Variants in TIAM1 observed in about 807,000 individuals in gnomAD.
TIAM1 encodes rho guanine nucleotide exchange factor TIAM1.
In TIAM1, 65 loss-of-function variants were observed where a neutral mutation model predicts 163.5. The observed-to-expected ratio is 0.40, with a 90% CI of 0.33 to 0.49. The LOEUF (loss-of-function observed/expected upper bound fraction) is 0.49. TIAM1 is among the 20% of genes least tolerant of loss of function. TIAM1 has a pLI of 0.77. For missense variants in TIAM1, 1,789 were observed against 2,044.7 expected (o/e 0.87, Z 2.41); for synonymous variants, 833 against 810.1 (o/e 1.03, Z -0.48).
chr21:31,464,724 T>A (rs1053067999), intron 1 of TIAM1, among the ~76,000 whole-genome samples: 24 of 151,204 alleles, frequency 1.6e-4, no homozygotes, highest in Admixed American at 9.3e-4. Context: ...GCACCTGTAA[T>A]CCCAACTACT....
intron 10 of TIAM1, chr21:31,213,008 G>T: frequency 5.7e-6 from 1 of 174,578 alleles, no homozygotes. Context: ...AAACTAATGG[G>T]AGCAAAACAG....
At chr21:31,184,881 C>G (rs1210959916) in intron 14 of TIAM1, among the ~76,000 whole-genome samples, 2 of 152,162 alleles carry the variant, frequency 1.3e-5, no homozygotes, top group Non-Finnish European at 2.9e-5. Flanking sequence ...CTCGTCACAC[C>G]TTTGCCTTTC....
chr21:31,519,037 G>A (rs1012486512), intron 1 of TIAM1, among the ~76,000 whole-genome samples: 10 of 152,010 alleles, frequency 6.6e-5, no homozygotes, highest in Admixed American at 2.6e-4. Flanking sequence ...TTGGCCGGGC[G>A]CAGTGGCTCA....
chr21:31,333,282 CA>C (rs2075735476), intron 2 of TIAM1, among the ~76,000 whole-genome samples: 1 of 152,092 alleles, frequency 6.6e-6, no homozygotes, highest in Admixed American at 6.5e-5. Flanking sequence ...CCGTTTTTTT[CA>C]GCAGTAAAAC....
At chr21:31,453,117 A>T (rs2044934841) in intron 2 of TIAM1, 1 of 324,852 alleles carries the variant, frequency 3.1e-6, no homozygotes, top group South Asian at 3.3e-5. Flanking sequence ...CGAGACAGTG[A>T]TGAGGATTCT....
chr21:31,123,841 G>A (rs960976564), intron 27 of TIAM1: 2 of 152,212 alleles, frequency 1.3e-5, no homozygotes, highest in Admixed American at 6.5e-5. Flanking sequence ...ACAGGTGGCA[G>A]TATTTATTTT....
intron 2 of TIAM1, among the ~76,000 whole-genome samples, chr21:31,368,213 C>T (rs2076532147): frequency 6.6e-6 from 1 of 152,184 alleles, no homozygotes; most frequent in Non-Finnish European, 1.5e-5. Flanking sequence ...CTATTTAAGA[C>T]ATATTAACAA....
At chr21:31,276,373 C>A (rs959127273) in intron 3 of TIAM1, among the ~76,000 whole-genome samples, 13 of 152,116 alleles carry the variant, frequency 8.5e-5, no homozygotes, top group African/African-American at 3.1e-4. Flanking sequence ...TTATCCAAAG[C>A]AGAAACAAAA....
chr21:31,476,817 C>CA (rs1225805797), intron 1 of TIAM1, among the ~76,000 whole-genome samples: 1 of 152,182 alleles, frequency 6.6e-6, no homozygotes, highest in African/African-American at 2.4e-5. Context: ...GTGGTCAGAG[C>CA]AGAAATGTTG....
chr21:31,203,891 A>C (rs1286680704), intron 11 of TIAM1, among the ~76,000 whole-genome samples: 1 of 152,224 alleles, frequency 6.6e-6, no homozygotes, highest in Non-Finnish European at 1.5e-5. Context: ...CTCCAGGGGC[A>C]GTGCTAATAG....
At chr21:31,278,835 C>T (rs542475649) in intron 2 of TIAM1, among the ~76,000 whole-genome samples, 3 of 152,276 alleles carry the variant, frequency 2.0e-5, no homozygotes, top group Non-Finnish European at 4.4e-5. Flanking sequence ...CCTCCTTAAA[C>T]GGCTCTCTGC....
At chr21:31,222,452 T>G in intron 8 of TIAM1, among the ~76,000 whole-genome samples, 1 of 151,972 alleles carries the variant, frequency 6.6e-6, no homozygotes, top group East Asian at 1.9e-4. Context: ...CTATACAATC[T>G]GCCGCTCTAG....
At chr21:31,448,399 G>C (rs926051523) in intron 2 of TIAM1, among the ~76,000 whole-genome samples, 1 of 152,128 alleles carries the variant, frequency 6.6e-6, no homozygotes, top group Non-Finnish European at 1.5e-5. Flanking sequence ...GAGGCCAGGA[G>C]TTCGAGACCA....
chr21:31,327,116 G>A (rs532993299), intron 2 of TIAM1, among the ~76,000 whole-genome samples: 2 of 152,324 alleles, frequency 1.3e-5, no homozygotes, highest in East Asian at 3.9e-4. Flanking sequence ...AAAAAGGGAA[G>A]TGATCAATGG....
intron 14 of TIAM1, among the ~76,000 whole-genome samples, chr21:31,185,298 C>T (rs2085228048): frequency 6.6e-6 from 1 of 150,886 alleles, no homozygotes; most frequent in Non-Finnish European, 1.5e-5. Flanking sequence ...AGAATGCAAC[C>T]TTCTTTGGAA....
chr21:31,481,868 C>T (rs1425557815), intron 1 of TIAM1, among the ~76,000 whole-genome samples: 2 of 151,990 alleles, frequency 1.3e-5, no homozygotes, highest in Admixed American at 6.6e-5. Flanking sequence ...TTCAATCTCT[C>T]GCCCCTCTCT....
intron 7 of TIAM1, among the ~76,000 whole-genome samples, chr21:31,225,238 G>A (rs781294101): frequency 1.3e-4 from 19 of 151,992 alleles, no homozygotes; most frequent in African/African-American, 4.6e-4. Context: ...GGGCTCAAGC[G>A]AGTATGCCCA....
rs760187500 is a variant in TIAM1, at chr21:31,120,504, G to T, written c.4640C>A (p.Ala1547Glu). 1 of 1,614,182 alleles carries T rather than the reference G, an allele frequency of 6.2e-7. No individual in the cohort carries two copies. The highest frequency in any genetic ancestry group is 8.5e-7 in the Non-Finnish European group (1 of 1,180,032). The change falls in exon 28 of 28, where the codon GCG becomes GAG. Residue 1547 changes from alanine (A) to glutamate (E), a missense_variant. Ala to Glu is a moderately radical substitution (Grantham distance 107). Around this residue, in one of 5 missense-constraint regions of TIAM1, gnomAD observed 415 missense variants for 439.2 expected, o/e 0.94. Transcript: ENST00000541036. The surrounding 1 kb of genome is among the most constrained non-coding windows in gnomAD (Gnocchi z 4.2). ...CTTCTTGAGCTGTGCCATGCGGGAC[G>T]CGTGACTATCCAGGGTTTTCCGGCC... ...ERGRKTLDSH[A>E]SRMAQLKKQA...
chr21:31,419,028 C>T (rs533869505), intron 2 of TIAM1, among the ~76,000 whole-genome samples: 8 of 152,226 alleles, frequency 5.3e-5, no homozygotes, highest in African/African-American at 1.4e-4. Flanking sequence ...CGAGATCTGC[C>T]GGGCACACCA....
Sources: allele counts gnomAD v4.1 joint callset (sites outside exome capture counted in the v4.1 genomes callset), GRCh38; gene constraint gnomAD v4.1.1; regional missense constraint gnomAD v4.1.1; non-coding constraint Gnocchi (gnomAD v3.1); transcripts MANE v1.5; gene names NCBI Gene and HGNC (gene_info 2026-07-23, HGNC 2026-07-21).